The following TLK1 variants were observed in gnomAD, a reference collection of about 807,000 sequenced individuals.
The protein encoded by TLK1 is serine/threonine-protein kinase tousled-like 1.
TLK1 carries 24 observed loss-of-function variants against 105.3 expected under a neutral mutation model. The observed-to-expected ratio is 0.23, with a 90% CI of 0.17 to 0.32. TLK1 has a LOEUF of 0.32. TLK1 is among the 10% of genes least tolerant of loss of function. TLK1 has a pLI of 1.00. For synonymous variants in TLK1, 321 were observed against 310.4 expected (o/e 1.03, Z -0.36); for missense variants, 558 against 910.5 (o/e 0.61, Z 4.98).
chr2:170,996,200 T>C (rs927981712), intron 20 of TLK1, among the ~76,000 whole-genome samples: 1 of 151,916 alleles, frequency 6.6e-6, no homozygotes, highest in African/African-American at 2.4e-5. Flanking sequence ...GGTTTCACCA[T>C]GTTGGTCAGG....
chr2:171,208,326 T>G (rs1455192869), intron 1 of TLK1, among the ~76,000 whole-genome samples: 1 of 147,760 alleles, frequency 6.8e-6, no homozygotes, highest in Non-Finnish European at 1.5e-5. Context: ...TAAATAATCC[T>G]TCAAATTAAA....
At chr2:171,006,432 T>C (rs1030622082) in intron 17 of TLK1, 42 bp downstream of exon 17, 1 of 1,528,972 alleles carries the variant, frequency 6.5e-7, no homozygotes, top group Non-Finnish European at 8.8e-7. Context: ...TTTTAAAAAC[T>C]ATACTCAAGT....
chr2:171,190,964 C>G (rs1294364383), intron 1 of TLK1, among the ~76,000 whole-genome samples: 1 of 151,762 alleles, frequency 6.6e-6, no homozygotes, highest in Non-Finnish European at 1.5e-5. Context: ...GAGTTCAAGA[C>G]TAGCCTGGCC....
At chr2:171,044,842 G>A (rs1045053717) in intron 11 of TLK1, among the ~76,000 whole-genome samples, 2 of 152,110 alleles carry the variant, frequency 1.3e-5, no homozygotes, top group Admixed American at 6.5e-5. Flanking sequence ...AATATTCAGT[G>A]CTGCTACGTA....
chr2:171,042,038 T>G (rs1254501547), intron 11 of TLK1, among the ~76,000 whole-genome samples: 2 of 152,194 alleles, frequency 1.3e-5, no homozygotes, highest in African/African-American at 4.8e-5. Context: ...GCAATCAAAT[T>G]GCCATGTAGT....
intron 5 of TLK1, among the ~76,000 whole-genome samples, chr2:171,057,555 A>G (rs1403125664): frequency 1.3e-5 from 2 of 152,042 alleles, no homozygotes; most frequent in Admixed American, 6.5e-5. Context: ...CGAACCCAAG[A>G]AAGAAAGCAG....
intron 2 of TLK1, among the ~76,000 whole-genome samples, chr2:171,090,504 G>A (rs905692232): frequency 1.3e-5 from 2 of 152,060 alleles, no homozygotes; most frequent in African/African-American, 4.8e-5. Flanking sequence ...TATGATTTGT[G>A]CATTATTCTA....
chr2:171,187,292 GA>G (rs970816578), intron 1 of TLK1, among the ~76,000 whole-genome samples: 2 of 151,944 alleles, frequency 1.3e-5, no homozygotes, highest in African/African-American at 4.8e-5. Flanking sequence ...CATTATCCTA[GA>G]AAATAGACAT....
At chr2:171,000,686 ACACT>A (rs1297451145) in intron 18 of TLK1, among the ~76,000 whole-genome samples, 4 of 152,132 alleles carry the variant, frequency 2.6e-5, no homozygotes, top group Admixed American at 2.0e-4. Context: ...GGAGGCAGAC[ACACT>A]CAGTGCAACT....
chr2:171,050,573 C>G (rs959860726), intron 8 of TLK1, among the ~76,000 whole-genome samples: 1 of 145,546 alleles, frequency 6.9e-6, no homozygotes, highest in African/African-American at 2.5e-5. Context: ...TTTCCTCTAT[C>G]TCTTATAATT....
chr2:171,027,463 G>T (rs553019570), intron 12 of TLK1, among the ~76,000 whole-genome samples: 3 of 152,148 alleles, frequency 2.0e-5, no homozygotes, highest in Non-Finnish European at 4.4e-5. Context: ...TTACAAACAA[G>T]TAGAAAGATA....
intron 1 of TLK1, among the ~76,000 whole-genome samples, chr2:171,181,429 C>T (rs1268631280): frequency 2.6e-5 from 4 of 152,198 alleles, no homozygotes; most frequent in East Asian, 3.8e-4. Context: ...AGAGTTTCTA[C>T]GTCCTCATCT....
chr2:171,073,918 T>A (rs949845892), intron 3 of TLK1, among the ~76,000 whole-genome samples: 1 of 130,250 alleles, frequency 7.7e-6, no homozygotes, highest in Non-Finnish European at 1.6e-5. Context: ...TGAGATGGAG[T>A]CTTGCTGTGT....
upstream of TLK1, among the ~76,000 whole-genome samples, chr2:171,162,452 C>T (rs1692528356): frequency 6.6e-6 from 1 of 152,162 alleles, no homozygotes; most frequent in Admixed American, 6.5e-5. Flanking sequence ...GCAGGAGAAT[C>T]GCTTGAACCC....
chr2:171,108,900 G>C (rs1690047569), intron 2 of TLK1, among the ~76,000 whole-genome samples: 3 of 151,814 alleles, frequency 2.0e-5, no homozygotes. Context: ...CCAGCCCCAA[G>C]AAACACATTT....
intron 1 of TLK1, among the ~76,000 whole-genome samples, chr2:171,149,205 T>TA (rs1258235313): frequency 6.9e-6 from 1 of 145,980 alleles, no homozygotes; most frequent in Non-Finnish European, 1.5e-5. Flanking sequence ...ACCCTGTCTC[T>TA]AAAAAAAAGG....
chr2:171,111,535 A>C (rs546587645), intron 2 of TLK1, among the ~76,000 whole-genome samples: 2 of 151,084 alleles, frequency 1.3e-5, no homozygotes, highest in East Asian at 3.9e-4. Context: ...CAGTGAGCCG[A>C]GATCACACCC....
chr2:170,998,663 C>A (rs376035779), intron 18 of TLK1, among the ~76,000 whole-genome samples: 33 of 152,354 alleles, frequency 2.2e-4, no homozygotes, highest in African/African-American at 7.5e-4. Flanking sequence ...AGACCGTGAG[C>A]AGCTCAAGGA....
intron 3 of TLK1, among the ~76,000 whole-genome samples, chr2:171,069,635 T>C (rs1000218228): frequency 3.9e-5 from 6 of 152,204 alleles, no homozygotes; most frequent in Non-Finnish European, 1.5e-5. Flanking sequence ...TGAGAAACCT[T>C]GCTTTGATGA....
Sources: gnomAD v4.1 joint callset for allele counts (sites outside exome capture counted in the v4.1 genomes callset) on GRCh38, gnomAD v4.1.1 for gene constraint, MANE v1.5 for transcripts, NCBI Gene and HGNC (gene_info 2026-07-23, HGNC 2026-07-21) for gene names.